Variants in SLC17A3 observed in about 807,000 individuals in gnomAD.
SLC17A3 encodes sodium-dependent phosphate transport protein 4.
In SLC17A3, 61 loss-of-function variants were observed where a neutral mutation model predicts 60.3. The observed-to-expected ratio is 1.01, with a 90% CI of 0.82 to 1.25. The LOEUF is 1.25. Among genes scored for constraint, SLC17A3 ranks in the 50% most tolerant of loss-of-function variants. SLC17A3 has a pLI of 0.00. For missense variants in SLC17A3, 624 were observed against 594.9 expected (o/e 1.05, Z -0.51); for synonymous variants, 192 against 208.9 (o/e 0.92, Z 0.70).
chr6:25,861,942 C>T lies in SLC17A3; in HGVS notation c.391G>A (p.Gly131Arg), dbSNP rs868307643. ...YGGILTMAPS[G>R]YLAGRVGTKR... ...GTTCCTACTCTTCCAGCCAGGTATC[C>T]ACTGGGAGCCATTGTCAGTATGCCA... Residue 131 changes from glycine (G) to arginine (R), a missense_variant, in exon 4 of 13, where the codon GGA becomes AGA. By Grantham distance (125) the Gly-to-Arg change is moderately radical. Transcript: ENST00000397060. The T allele has an allele frequency of 1.9e-6, 3 of 1,612,668 alleles. No homozygotes were observed. Among genetic ancestry groups the T allele is most frequent in the Non-Finnish European group, 2.5e-6 (3 of 1,179,418 alleles).
At chr6:25,871,297 T>C (rs1251004359) in intron 1 of SLC17A3, among the ~76,000 whole-genome samples, 1 of 152,034 alleles carries the variant, frequency 6.6e-6, no homozygotes, top group African/African-American at 2.4e-5. Context: ...CACCATGGAA[T>C]ACTATGCAGC....
chr6:25,865,836 G>T (rs1644040551), intron 2 of SLC17A3, among the ~76,000 whole-genome samples: 1 of 151,862 alleles, frequency 6.6e-6, no homozygotes, highest in African/African-American at 2.4e-5. Flanking sequence ...AGAATGTGTG[G>T]GTCTGTATGC....
intron 5 of SLC17A3, among the ~76,000 whole-genome samples, chr6:25,858,621 A>G (rs372274514): frequency 4.0e-5 from 6 of 151,776 alleles, no homozygotes; most frequent in Non-Finnish European, 5.9e-5. Flanking sequence ...TTCTCCATCT[A>G]TGTTCTTTCT....
At chr6:25,864,794 TA>T (rs1765509292) in intron 2 of SLC17A3, among the ~76,000 whole-genome samples, 1 of 151,942 alleles carries the variant, frequency 6.6e-6, no homozygotes, top group African/African-American at 2.4e-5. Flanking sequence ...TGGGAGTTAA[TA>T]ACCTACAGAA....
chr6:25,862,165 G>T, intron 3 of SLC17A3, 68 bp downstream of exon 3: 1 of 1,480,740 alleles, frequency 6.8e-7, no homozygotes, highest in South Asian at 1.2e-5. Context: ...ACATACTCTA[G>T]AAAAATAAAT....
At chr6:25,861,017 A>C (rs1422325627) in intron 5 of SLC17A3, among the ~76,000 whole-genome samples, 3 of 152,088 alleles carry the variant, frequency 2.0e-5, no homozygotes, top group African/African-American at 7.2e-5. Flanking sequence ...AATTACCTGG[A>C]GAGTTACCCT....
At chr6:25,864,628 C>T (rs1240427435) in intron 2 of SLC17A3, among the ~76,000 whole-genome samples, 2 of 151,552 alleles carry the variant, frequency 1.3e-5, no homozygotes, top group Non-Finnish European at 2.9e-5. Context: ...GAAGAAAGTT[C>T]TTGGAAGGAG....
intron 11 of SLC17A3, among the ~76,000 whole-genome samples, chr6:25,847,944 T>C (rs953851785): frequency 6.6e-6 from 1 of 152,136 alleles, no homozygotes; most frequent in Non-Finnish European, 1.5e-5. Context: ...GTCACTCTTA[T>C]GCCTTTGCAT....
chr6:25,868,076 G>A (rs1561860611), intron 2 of SLC17A3, among the ~76,000 whole-genome samples: 2 of 151,796 alleles, frequency 1.3e-5, no homozygotes, highest in Non-Finnish European at 2.9e-5. Flanking sequence ...TATCAAGAAT[G>A]TAAAGATTGG....
chr6:25,867,168 G>A (rs962157787), intron 2 of SLC17A3, among the ~76,000 whole-genome samples: 21 of 151,892 alleles, frequency 1.4e-4, no homozygotes, highest in African/African-American at 5.1e-4. Context: ...AATGTGTATA[G>A]AATCCAACAA....
chr6:25,845,499 C>G lies in SLC17A3; in HGVS notation c.1380G>C (p.Trp460Cys), dbSNP rs1379470208. 6.2e-7 allele frequency: 1 copy of G among 1,614,040 alleles called. No individual in the cohort carries two copies. Among genetic ancestry groups the G allele is most frequent in the East Asian group, 2.2e-5 (1 of 44,860 alleles). The change falls in exon 12 of 13, where the codon TGG (tryptophan) becomes TGC (cysteine). Residue 460 changes from tryptophan to cysteine, a missense_variant. Transcript: ENST00000397060. The part of the protein sequence containing the change: ...FLLSQDPEFG[W>C]RNVFFLLFAV... Reference sequence around the variant, plus strand: ...CAAACAGCAAGAAGAAGACATTCCTCCACCCAAACTCAGGGTCCTGGAGAC... The same window carrying G: ...CAAACAGCAAGAAGAAGACATTCCTGCACCCAAACTCAGGGTCCTGGAGAC...
intron 11 of SLC17A3, among the ~76,000 whole-genome samples, chr6:25,848,417 G>A (rs555231618): frequency 2.1e-4 from 32 of 152,170 alleles, no homozygotes; most frequent in Admixed American, 9.8e-4. Flanking sequence ...AGGTAATATC[G>A]CATTGTGGTT....
In SLC17A3 at chr6:25,868,517, C is replaced by T. The variant is rs78088212; in HGVS notation, c.-33-97G>A. ...GGGCACCAAGGAAAAAAAAGCTGGC[C>T]CATTCCATCTGGTTGGAGACAGGGA... On this transcript the variant is annotated intron_variant, in intron 1 of 12. Transcript: ENST00000397060. 6.0e-3 allele frequency: 4,714 copies of T among 786,892 alleles called. 34 individuals are homozygous for T. The highest frequency in any genetic ancestry group is 0.012 in the South Asian group (785 of 65,924). The allele number at this position is 786,892 out of a possible 1,614,324, so 48.7% of individuals were successfully genotyped here.
chr6:25,850,164 GA>G lies in SLC17A3; in HGVS notation c.1006del (p.Ser336LeufsTer11), dbSNP rs1167016345. The G allele has an allele frequency of 5.6e-6, 9 of 1,613,442 alleles. No individual in the cohort carries two copies. The highest frequency in any genetic ancestry group is 7.6e-6 in the Non-Finnish European group (9 of 1,179,624). On this transcript the variant is annotated frameshift_variant, in exon 9 of 13. Transcript: ENST00000397060. LOFTEE classifies it high-confidence loss of function. ...HVNIRDNGLL[S>X]ALPFIVAWVI... Reference sequence around the variant, plus strand: ...CCAGGCAACAATAAAAGGAAGGGCAGATAGAAGTCCATTCTAAAGAGAAAAG... The same window carrying G: ...CCAGGCAACAATAAAAGGAAGGGCAGTAGAAGTCCATTCTAAAGAGAAAAG...
In SLC17A3 at chr6:25,849,483, T is replaced by G; in HGVS notation, c.1272-19A>C. 6.6e-7 allele frequency: 1 copy of G among 1,508,090 alleles called. No individual in the cohort carries two copies. Among genetic ancestry groups the G allele is most frequent in the Non-Finnish European group, 9.2e-7 (1 of 1,083,782 alleles). 93.4% of individuals were successfully genotyped at this position (1,508,090 alleles called of 1,614,324 possible). A position where few individuals can be genotyped will look rare whatever the true frequency, so the allele number is the denominator to read the frequency against. On this transcript the variant is annotated intron_variant, in intron 10 of 12. Transcript: ENST00000397060. ...GGAATACCTGTGGGTGACAGGAATG[T>G]TCCGGTCTAGATCCAGAGATGTTTG...
intron 11 of SLC17A3, among the ~76,000 whole-genome samples, chr6:25,848,126 A>G (rs1251483814): frequency 6.6e-6 from 1 of 152,174 alleles, no homozygotes. Flanking sequence ...TGTATACCAC[A>G]GTTTCTTTAT....
chr6:25,850,385 G>A (rs1765253328), intron 8 of SLC17A3, 74 bp downstream of exon 8: 1 of 1,477,160 alleles, frequency 6.8e-7, no homozygotes, highest in South Asian at 1.1e-5. Context: ...TTTCTCAGAT[G>A]GAATGATTAG....
Position 25,850,807 on chromosome 6 carries a change from C to A in SLC17A3, c.783G>T (p.Trp261Cys). 6.2e-7 allele frequency: 1 copy of A among 1,614,032 alleles called. No individual in the cohort carries two copies. The highest frequency in any genetic ancestry group is 8.5e-7 in the Non-Finnish European group (1 of 1,179,944). ...TGTATTCTTTTTCTGAGGTGCTTAT[C>A]CATGGATAGGAAACGGGGTCATCAT... ...VIYDDPVSYPWISTSEKEYII... is the reference protein window; with the variant it reads ...VIYDDPVSYPCISTSEKEYII... The change falls in exon 7 of 13, where the codon TGG becomes TGT. Residue 261 changes from tryptophan (W) to cysteine (C), a missense_variant. By Grantham distance (215) the Trp-to-Cys change is radical. Coordinates refer to ENST00000397060, the MANE Select transcript of SLC17A3 (RefSeq NM_001098486.2).
intron 1 of SLC17A3, among the ~76,000 whole-genome samples, chr6:25,870,102 C>A (rs1765617166): frequency 6.6e-6 from 1 of 151,934 alleles, no homozygotes; most frequent in African/African-American, 2.4e-5. Flanking sequence ...TTTGTATAGA[C>A]ATGTGCTTTC....
Sources: allele counts gnomAD v4.1 joint callset (sites outside exome capture counted in the v4.1 genomes callset), GRCh38; gene constraint gnomAD v4.1.1; transcripts MANE v1.5; gene names NCBI Gene and HGNC (gene_info 2026-07-23, HGNC 2026-07-21).